Variants in ARHGAP32 observed in about 807,000 individuals in gnomAD.
The protein encoded by ARHGAP32 is rho GTPase-activating protein 32.
Under a neutral mutation model 186.5 loss-of-function variants are expected in ARHGAP32, and 51 were observed. That is an observed-to-expected ratio of 0.27 (90% CI 0.22 to 0.35). The LOEUF (loss-of-function observed/expected upper bound fraction) is 0.35, where lower values mean the gene tolerates loss of function less well. Ranked by LOEUF, ARHGAP32 falls within the 10% of genes least tolerant of loss-of-function variation. The probability of loss-of-function intolerance (pLI) is 1.00; values close to 1 mark genes in which losing one functional copy is unlikely to be tolerated. For synonymous variants in ARHGAP32, 950 were observed against 964.3 expected, an observed-to-expected ratio of 0.99 and a Z score of 0.27; for missense variants, 2,186 against 2,623.5, an observed-to-expected ratio of 0.83 and a Z score of 3.64.
At chr11:129,188,582 C>T (rs995475036) in intron 1 of ARHGAP32, among the ~76,000 whole-genome samples, 1 of 152,084 alleles carries the variant, frequency 6.6e-6, no homozygotes, top group Admixed American at 6.6e-5. Flanking sequence ...AACTGGTCCA[C>T]GGTCCAGGGG....
chr11:129,214,069 A>T lies in ARHGAP32; in HGVS notation c.-4-49642T>A, dbSNP rs528304005. On this transcript the variant is annotated intron_variant, in intron 1 of 6. Coordinates refer to the ARHGAP32 transcript ENST00000525234. ...AAACCAAGACTGGGGGACATTCTAC[A>T]CAATAACTGACCAGTACTAGTCAAA... Among the ~76,000 whole-genome samples the T allele has an allele frequency of 3.5e-4, 54 of 152,208 alleles. 1 individual carries two copies. Among genetic ancestry groups the T allele is most frequent in the African/African-American group, 1.3e-3 (54 of 41,556 alleles).
At chr11:129,175,107 G>A (rs1246941045) in intron 1 of ARHGAP32, among the ~76,000 whole-genome samples, 1,496 of 99,150 alleles carry the variant, frequency 0.015, no homozygotes, top group Non-Finnish European at 0.022. Flanking sequence ...AGGAGCTGAT[G>A]GAGCTGAAAA....
At chr11:129,030,174 T>C (rs535793266) in intron 11 of ARHGAP32, among the ~76,000 whole-genome samples, 4 of 152,198 alleles carry the variant, frequency 2.6e-5, no homozygotes, top group African/African-American at 9.7e-5. Context: ...ATATTCATAT[T>C]CGGTGCAACA....
chr11:128,972,309 A>G (rs1420062974), intron 22 of ARHGAP32, 144 bp downstream of exon 22: 3 of 918,006 alleles, frequency 3.3e-6, no homozygotes, highest in Non-Finnish European at 4.6e-6. Context: ...TCCAACCTCA[A>G]ATGGGAACTA....
chr11:128,976,078 C>CAT (rs71472082), intron 20 of ARHGAP32, among the ~76,000 whole-genome samples: 15,809 of 145,626 alleles, frequency 0.11, 857 homozygotes, highest in Non-Finnish European at 0.12. Context: ...CTCTGTCTAA[C>CAT]ATATATATAT....
intron 1 of ARHGAP32, among the ~76,000 whole-genome samples, chr11:129,181,816 A>T (rs561737102): frequency 6.6e-6 from 1 of 152,256 alleles, no homozygotes; most frequent in Admixed American, 6.5e-5. Context: ...AAAAAGGCAT[A>T]TAAAGAAAAA....
chr11:129,037,682 A>C (rs1001046707), intron 11 of ARHGAP32, among the ~76,000 whole-genome samples: 1 of 151,952 alleles, frequency 6.6e-6, no homozygotes, highest in Non-Finnish European at 1.5e-5. Flanking sequence ...ATAAGGAATT[A>C]CAAGGGGCCC....
chr11:129,152,784 T>C (rs542041448), intron 2 of ARHGAP32, among the ~76,000 whole-genome samples: 4 of 152,258 alleles, frequency 2.6e-5, no homozygotes, highest in South Asian at 2.1e-4. Flanking sequence ...AACATTATAC[T>C]GAATAGGGAC....
At chr11:129,111,568 C>G (rs1942216998) in intron 5 of ARHGAP32, among the ~76,000 whole-genome samples, 1 of 152,132 alleles carries the variant, frequency 6.6e-6, no homozygotes, top group Non-Finnish European at 1.5e-5. Flanking sequence ...CTAATTCAAT[C>G]TCATTACTCC....
chr11:128,988,814 C>A (rs1000706112), intron 12 of ARHGAP32, among the ~76,000 whole-genome samples: 1 of 152,178 alleles, frequency 6.6e-6, no homozygotes, highest in African/African-American at 2.4e-5. Flanking sequence ...ATACACTGGA[C>A]AGCTATGCTG....
chr11:129,015,495 C>A (rs545353890), intron 11 of ARHGAP32, among the ~76,000 whole-genome samples: 1 of 152,040 alleles, frequency 6.6e-6, no homozygotes, highest in Non-Finnish European at 1.5e-5. Flanking sequence ...GATTATTTTC[C>A]CTTAAGTATA....
chr11:129,162,244 T>C (rs1455628267), intron 2 of ARHGAP32, among the ~76,000 whole-genome samples: 2 of 152,138 alleles, frequency 1.3e-5, no homozygotes, highest in African/African-American at 2.4e-5. Flanking sequence ...TGTATACCTA[T>C]GTAATAAACC....
intron 2 of ARHGAP32, among the ~76,000 whole-genome samples, chr11:129,136,004 C>T (rs1942928567): frequency 6.6e-6 from 1 of 151,958 alleles, no homozygotes; most frequent in Non-Finnish European, 1.5e-5. Flanking sequence ...TTTCTGATTA[C>T]CAAATGATAA....
At chr11:128,983,885 G>T (rs1945786373) in intron 15 of ARHGAP32, among the ~76,000 whole-genome samples, 1 of 152,124 alleles carries the variant, frequency 6.6e-6, no homozygotes, top group Non-Finnish European at 1.5e-5. Context: ...CACAAAATGA[G>T]CACTTTTATA....
rs1555063867 is a variant in ARHGAP32, at chr11:128,985,858, G to GTATATATA, written c.1526+137_1526+144dup. On this transcript the variant is annotated intron_variant, in intron 15 of 22. Coordinates refer to ENST00000682385, the MANE Select transcript of ARHGAP32 (RefSeq NM_001378024.1). ...TGTGTGTGTGTGTGTGTGTGTGTGT[G>GTATATATA]TATATATATATATATATATATATAT... 7.3e-3 allele frequency: 705 copies of GTATATATA among 95,926 alleles called. 10 individuals carry two copies. Among genetic ancestry groups the GTATATATA allele is most frequent in the African/African-American group, 0.019 (410 of 21,914 alleles). The allele number at this position is 95,926 out of a possible 1,614,324, so 5.9% of individuals were successfully genotyped here.
At chr11:129,048,649 G>A (rs1446859475) in intron 10 of ARHGAP32, among the ~76,000 whole-genome samples, 1 of 152,038 alleles carries the variant, frequency 6.6e-6, no homozygotes, top group Admixed American at 6.5e-5. Context: ...GCAAAAACTG[G>A]GAGGAACAGT....
chr11:129,143,858 T>A lies in ARHGAP32; in HGVS notation c.226-18964A>T, dbSNP rs542362688. On this transcript the variant is annotated intron_variant, in intron 2 of 22. Transcript: ENST00000682385. The stretch of plus-strand genomic sequence containing the variant: ...ATTGTAAATCTCTTACTGTGCCTAA[T>A]TTATAAATTAAAGTTTATCAAGTAC... Among the ~76,000 whole-genome samples, 341 of 152,304 alleles carry A rather than the reference T, an allele frequency of 2.2e-3. 2 individuals carry two copies. Among genetic ancestry groups the A allele is most frequent in the South Asian group, 0.014 (66 of 4,828 alleles).
intron 11 of ARHGAP32, among the ~76,000 whole-genome samples, chr11:129,020,134 G>A (rs546223682): frequency 9.9e-5 from 15 of 151,992 alleles, no homozygotes; most frequent in Non-Finnish European, 1.8e-4. Context: ...TTAGTTTAGG[G>A]AAATTTATCA....
chr11:129,080,883 G>C (rs144170930), intron 6 of ARHGAP32, among the ~76,000 whole-genome samples: 1 of 152,034 alleles, frequency 6.6e-6, no homozygotes, highest in African/African-American at 2.4e-5. Context: ...AAAGAAACGA[G>C]AAGATCCAAC....
Sources: allele counts gnomAD v4.1 joint callset (sites outside exome capture counted in the v4.1 genomes callset), GRCh38; gene constraint gnomAD v4.1.1; transcripts MANE v1.5; gene names NCBI Gene and HGNC (gene_info 2026-07-23, HGNC 2026-07-21).